The following CAT variants were observed in gnomAD, a reference collection of about 807,000 sequenced individuals.
The protein encoded by CAT is epididymis secretory sperm binding protein.
In CAT, 43 loss-of-function variants were observed where a neutral mutation model predicts 59.0. The ratio of observed to expected loss-of-function variants is 0.73; its 90% CI spans 0.57 to 0.94. The LOEUF (loss-of-function observed/expected upper bound fraction) is 0.94. CAT is among the 40% of genes least tolerant of loss of function. CAT has a pLI of 0.00. For missense variants in CAT, 664 were observed against 682.9 expected (o/e 0.97, Z 0.31); for synonymous variants, 218 against 230.9 (o/e 0.94, Z 0.51).
intron 1 of CAT, among the ~76,000 whole-genome samples, chr11:34,446,063 C>T (rs1026613923): frequency 2.0e-5 from 3 of 152,140 alleles, no homozygotes; most frequent in African/African-American, 7.2e-5. Flanking sequence ...TTAAATACAC[C>T]GCATCCTGCT....
At chr11:34,449,137 A>G in intron 1 of CAT, 55 bp from the exon 2 acceptor site, 1 of 1,463,410 alleles carries the variant, frequency 6.8e-7, no homozygotes, top group Non-Finnish European at 9.6e-7. Context: ...TGACAGTGTA[A>G]ATGAAAGGTT....
intron 4 of CAT, among the ~76,000 whole-genome samples, chr11:34,452,662 TGGG>T (rs747192493): frequency 4.7e-4 from 72 of 152,184 alleles, no homozygotes; most frequent in Non-Finnish European, 9.0e-4. Flanking sequence ...GAGACCAGCC[TGGG>T]CAACATGGCA....
At chr11:34,452,004 TC>T (rs1312154322) in intron 3 of CAT, 72 bp from the exon 4 acceptor site, 6 of 1,541,484 alleles carry the variant, frequency 3.9e-6, no homozygotes, top group Non-Finnish European at 5.4e-6. Flanking sequence ...TCCAGGTGCT[TC>T]TTTATGTCTC....
intron 7 of CAT, among the ~76,000 whole-genome samples, 170 bp from the exon 8 acceptor site, chr11:34,456,495 T>C (rs1590304503): frequency 1.3e-5 from 2 of 152,274 alleles, no homozygotes. Context: ...ATTTACCACT[T>C]ACTATTGTGA....
intron 11 of CAT, chr11:34,470,575 G>T: frequency 3.5e-6 from 1 of 282,780 alleles, no homozygotes; most frequent in Non-Finnish European, 7.0e-6. Flanking sequence ...AATCTATGTA[G>T]GCCCCCATGA....
At chr11:34,468,901 A>G (rs1021983791) in intron 11 of CAT, among the ~76,000 whole-genome samples, 3 of 152,198 alleles carry the variant, frequency 2.0e-5, no homozygotes, top group South Asian at 2.1e-4. Flanking sequence ...CAATCAGTCA[A>G]TCAGTCTGTC....
chr11:34,441,215 A>G (rs977647449), intron 1 of CAT, among the ~76,000 whole-genome samples: 3 of 152,238 alleles, frequency 2.0e-5, no homozygotes, highest in African/African-American at 7.2e-5. Flanking sequence ...TATAATTTTC[A>G]AACACTTTTT....
At position 34,452,215 on chromosome 11, in the gene CAT, A is replaced by G. The variant is rs769773138; in HGVS notation, c.480+8A>G. 6.2e-7 allele frequency: 1 copy of G among 1,613,322 alleles called. No individual in the cohort carries two copies. Among genetic ancestry groups the G allele is most frequent in the South Asian group, 1.1e-5 (1 of 91,062 alleles). On this transcript the variant is annotated splice_region_variant and intron_variant, in intron 4 of 12. Coordinates refer to ENST00000241052, the MANE Select transcript of CAT (RefSeq NM_001752.4). ...ATCAGGGATCCCATATTGGTAGGTA[A>G]TAGAGTATTTTGCACTCAACAAATG...
At chr11:34,466,086 AGTT>A (rs1856711779) in intron 10 of CAT, among the ~76,000 whole-genome samples, 1 of 152,244 alleles carries the variant, frequency 6.6e-6, no homozygotes, top group African/African-American at 2.4e-5. Context: ...CAGAGCCTCT[AGTT>A]ATACTCAAGG....
Position 34,456,794 on chromosome 11 carries a change from G to A in CAT, c.1033G>A (p.Ala345Thr). The change falls in exon 8 of 13, where the codon GCC becomes ACC. Residue 345 changes from alanine (A) to threonine (T), a missense_variant. Ala to Thr is a moderately conservative substitution (Grantham distance 58, BLOSUM62 0). Transcript: ENST00000241052. ...DPSNMPPGIE[A>T]SPDKMLQGRL... is the part of the protein sequence containing the mutation. ...AAGCAACATGCCACCTGGCATTGAG[G>A]CCAGTCCTGACAAAATGCTTCAGGT... is the stretch of plus-strand genomic sequence containing the variant. The A allele has an allele frequency of 6.2e-7, 1 of 1,614,230 alleles. No homozygotes were observed. Among genetic ancestry groups the A allele is most frequent in the Non-Finnish European group, 8.5e-7 (1 of 1,180,044 alleles).
chr11:34,439,093 T>C lies in CAT; in HGVS notation c.66+14T>C. ...CGGGCCGCGCAGGTACACTCTGTGC[T>C]CCCCGAGCGGGCCCGAAGGTCCGTT... On this transcript the variant is annotated intron_variant, in intron 1 of 12. Coordinates refer to ENST00000241052, the MANE Select transcript of CAT (RefSeq NM_001752.4). 6.3e-7 allele frequency: 1 copy of C among 1,576,284 alleles called. No individual in the cohort carries two copies.
At chr11:34,452,951 T>C (rs749178299) in intron 4 of CAT, 139 bp from the exon 5 acceptor site, 26 of 672,576 alleles carry the variant, frequency 3.9e-5, no homozygotes, top group Non-Finnish European at 5.6e-5. Context: ...AATTTCATAT[T>C]ATGGTTTGGC....
At position 34,439,001 on chromosome 11, in the gene CAT, C is replaced by CA. The variant is rs761943573; in HGVS notation, c.-10dup. The CA allele has an allele frequency of 1.9e-6, 3 of 1,583,812 alleles. No individual in the cohort carries two copies. The highest frequency in any genetic ancestry group is 8.6e-7 in the Non-Finnish European group (1 of 1,164,808). On this transcript the variant is annotated 5_prime_UTR_variant, in exon 1 of 13. Coordinates refer to ENST00000241052, the MANE Select transcript of CAT (RefSeq NM_001752.4). ...AGGCCTCCTGCAGTGTTCTGCACAG[C>CA]AAACCGCACGCTATGGCTGACAGCC...
intron 11 of CAT, 49 bp downstream of exon 11, chr11:34,468,444 G>A (rs1411258361): frequency 7.9e-7 from 1 of 1,262,598 alleles, no homozygotes; most frequent in Admixed American, 1.7e-5. Context: ...AAGGAAGACA[G>A]TGCAGCTGTG....
chr11:34,449,118 A>G, intron 1 of CAT, 74 bp from the exon 2 acceptor site: 1 of 1,279,878 alleles, frequency 7.8e-7, no homozygotes, highest in African/African-American at 1.5e-5. Flanking sequence ...TTGCAAAGCT[A>G]TGTACCCGTG....
intron 1 of CAT, among the ~76,000 whole-genome samples, chr11:34,444,888 G>T (rs975537244): frequency 6.6e-6 from 1 of 152,162 alleles, no homozygotes; most frequent in Non-Finnish European, 1.5e-5. Context: ...TCTAATAATT[G>T]TGCTAGTTTT....
chr11:34,451,726 C>T (rs1856525554), intron 3 of CAT, among the ~76,000 whole-genome samples: 1 of 152,190 alleles, frequency 6.6e-6, no homozygotes, highest in African/African-American at 2.4e-5. Flanking sequence ...ATCATTTTGA[C>T]AACTCACTTA....
At chr11:34,461,535 C>T in intron 9 of CAT, 146 bp downstream of exon 9, 1 of 859,432 alleles carries the variant, frequency 1.2e-6, no homozygotes, top group Non-Finnish European at 1.9e-6. Context: ...TAACTGGGCG[C>T]TTTTTTGCCC....
chr11:34,439,279 G>T (rs565118068), intron 1 of CAT, among the ~76,000 whole-genome samples, 200 bp downstream of exon 1: 1 of 152,326 alleles, frequency 6.6e-6, no homozygotes, highest in East Asian at 1.9e-4. Flanking sequence ...TGGGGCGCGG[G>T]ACTGCAGGCT....
Sources: gnomAD v4.1 joint callset for allele counts (sites outside exome capture counted in the v4.1 genomes callset) on GRCh38, gnomAD v4.1.1 for gene constraint, MANE v1.5 for transcripts, NCBI Gene and HGNC (gene_info 2026-07-23, HGNC 2026-07-21) for gene names.